Variants in KLHL22 observed in about 807,000 individuals in gnomAD.
The protein encoded by KLHL22 is kelch-like protein 22.
Under a neutral mutation model 60.7 loss-of-function variants are expected in KLHL22, and 18 were observed. The observed-to-expected ratio is 0.30, with a 90% CI of 0.20 to 0.44. KLHL22 has a LOEUF of 0.44. KLHL22 is among the 20% of genes least tolerant of loss of function. The pLI is 1.00. For synonymous variants in KLHL22, 355 were observed against 354.5 expected (o/e 1.00, Z -0.01); for missense variants, 596 against 852.3 (o/e 0.70, Z 3.74).
At chr22:20,473,652 G>A (rs1438802779) in intron 2 of KLHL22, among the ~76,000 whole-genome samples, 1 of 152,152 alleles carries the variant, frequency 6.6e-6, no homozygotes, top group Non-Finnish European at 1.5e-5. Context: ...GAGGCAGGCC[G>A]ATCATCTGAG....
intron 3 of KLHL22, among the ~76,000 whole-genome samples, chr22:20,469,467 A>G (rs545735552): frequency 6.6e-6 from 1 of 152,348 alleles, no homozygotes; most frequent in Non-Finnish European, 1.5e-5. Context: ...AGGCAGCTGA[A>G]TCAGGAGTTA....
intron 2 of KLHL22, chr22:20,488,653 T>A: frequency 8.2e-6 from 2 of 244,502 alleles, no homozygotes; most frequent in African/African-American, 3.5e-5. Flanking sequence ...TACACAGCAA[T>A]AATTACTGAC....
intron 1 of KLHL22, among the ~76,000 whole-genome samples, chr22:20,493,822 G>T (rs1440439102): frequency 1.3e-5 from 2 of 150,818 alleles, no homozygotes; most frequent in Non-Finnish European, 3.0e-5. Flanking sequence ...CAGCACTTTG[G>T]GAGGCCAACG....
At chr22:20,458,273 C>CTTTTTTTTT (rs35379911) in intron 4 of KLHL22, among the ~76,000 whole-genome samples, 8 of 76,488 alleles carry the variant, frequency 1.0e-4, no homozygotes, top group East Asian at 4.1e-4. Flanking sequence ...TCCAATGGCT[C>CTTTTTTTTT]TTTTTTTTTT....
rs541047853 is a variant in KLHL22, at chr22:20,495,287, G to C, written c.-34+473C>G. Among the ~76,000 whole-genome samples, 1 of 152,240 alleles carries C rather than the reference G, an allele frequency of 6.6e-6. No homozygotes were observed. The highest frequency in any genetic ancestry group is 2.1e-4 in the South Asian group (1 of 4,838). On this transcript the variant is annotated intron_variant, in intron 1 of 6. Coordinates refer to ENST00000328879, the MANE Select transcript of KLHL22 (RefSeq NM_032775.4). The surrounding 1 kb of genome is among the most constrained non-coding windows in gnomAD (Gnocchi z 4.6). ...CGGCTCCTCTCAGGAAACCGGGAGA[G>C]CTGGCAAGGCTGGGCTCCTACGGCT...
At chr22:20,475,468 T>G (rs1196124917) in intron 2 of KLHL22, among the ~76,000 whole-genome samples, 2 of 152,232 alleles carry the variant, frequency 1.3e-5, no homozygotes. Context: ...TTAAAACTGT[T>G]GATCCACCTG....
intron 4 of KLHL22, 84 bp from the exon 5 acceptor site, chr22:20,458,084 T>G: frequency 1.3e-6 from 2 of 1,484,970 alleles, no homozygotes; most frequent in Non-Finnish European, 1.8e-6. Flanking sequence ...CTGGTCCCAT[T>G]TCTGCTTTGC....
At chr22:20,487,603 G>A (rs1279942286) in intron 2 of KLHL22, among the ~76,000 whole-genome samples, 1 of 152,020 alleles carries the variant, frequency 6.6e-6, no homozygotes, top group African/African-American at 2.4e-5. Flanking sequence ...CCACTCTCCC[G>A]CTCCCCTTCC....
chr22:20,466,366 T>C (rs1601353124), intron 3 of KLHL22, among the ~76,000 whole-genome samples: 2 of 90,324 alleles, frequency 2.2e-5, no homozygotes, highest in Non-Finnish European at 2.0e-5. Context: ...AGAGCGAGAC[T>C]CCGTCTAAAA....
intron 5 of KLHL22, among the ~76,000 whole-genome samples, chr22:20,455,518 G>A (rs1601334533): frequency 6.6e-6 from 1 of 152,164 alleles, no homozygotes; most frequent in Non-Finnish European, 1.5e-5. Flanking sequence ...CTCCAGGTTG[G>A]CCTCAGCCCC....
chr22:20,455,053 T>C (rs995585874), intron 5 of KLHL22, among the ~76,000 whole-genome samples: 9 of 152,164 alleles, frequency 5.9e-5, no homozygotes, highest in Admixed American at 1.3e-4. Context: ...AGCTAATTTT[T>C]GTATTTTTAG....
At chr22:20,445,763 G>GT (rs894174675) in intron 6 of KLHL22, among the ~76,000 whole-genome samples, 36 of 147,752 alleles carry the variant, frequency 2.4e-4, no homozygotes, top group South Asian at 8.5e-4. Context: ...TTTTGTTGTT[G>GT]TTTTTTTTTG....
chr22:20,474,153 C>A (rs958617311), intron 2 of KLHL22, among the ~76,000 whole-genome samples: 9 of 152,082 alleles, frequency 5.9e-5, no homozygotes, highest in Non-Finnish European at 1.2e-4. Context: ...GTGCCCCCCA[C>A]CACGCCCAGC....
In KLHL22 at chr22:20,465,849, CTT is replaced by C. The variant is rs1003969185; in HGVS notation, c.394-275_394-274del. 6.6e-6 allele frequency among the ~76,000 whole-genome samples: 1 copy of C among 151,986 alleles called. No individual in the cohort carries two copies. The highest frequency in any genetic ancestry group is 2.4e-5 in the African/African-American group (1 of 41,382). On this transcript the variant is annotated intron_variant, in intron 3 of 6. Coordinates refer to ENST00000328879, the MANE Select transcript of KLHL22 (RefSeq NM_032775.4). The surrounding 1 kb of genome is among the most constrained non-coding windows in gnomAD (Gnocchi z 4.9). ...CTTTTCTTTGAGACAAAGTTTCGCT[CTT>C]GTTGCCCAGAATGGAGTGCAGTGGC...
At chr22:20,474,920 T>G (rs1255425366) in intron 2 of KLHL22, among the ~76,000 whole-genome samples, 1 of 152,216 alleles carries the variant, frequency 6.6e-6, no homozygotes, top group Non-Finnish European at 1.5e-5. Flanking sequence ...CAGGGCCTGG[T>G]GCCTGCACCC....
intron 2 of KLHL22, 140 bp from the exon 3 acceptor site, chr22:20,471,655 G>A (rs2146240586): frequency 1.2e-6 from 1 of 808,880 alleles, no homozygotes; most frequent in Non-Finnish European, 2.0e-6. Flanking sequence ...TGTGCTCTGA[G>A]TGAACTGTGT....
chr22:20,460,608 CCCAAAAAAAAAA>C (rs2053137027), intron 4 of KLHL22, among the ~76,000 whole-genome samples: 7 of 32,684 alleles, frequency 2.1e-4, no homozygotes, highest in African/African-American at 4.2e-4. Context: ...AACTCCATCC[CCCAAAAAAAAAA>C]AAAAAAAAAA....
intron 1 of KLHL22, among the ~76,000 whole-genome samples, chr22:20,490,752 G>C (rs191931654): frequency 6.6e-6 from 1 of 152,262 alleles, no homozygotes; most frequent in African/African-American, 2.4e-5. Flanking sequence ...TTCACAACAG[G>C]GTTTGTGCTC....
At chr22:20,467,065 AG>A (rs1448770268) in intron 3 of KLHL22, among the ~76,000 whole-genome samples, 7 of 152,388 alleles carry the variant, frequency 4.6e-5, no homozygotes, top group Admixed American at 3.3e-4. Flanking sequence ...TAAATTATTT[AG>A]GAAAGCAGGA....
Sources: gnomAD v4.1 joint callset for allele counts (sites outside exome capture counted in the v4.1 genomes callset) on GRCh38, gnomAD v4.1.1 for gene constraint, Gnocchi (gnomAD v3.1) non-coding constraint, MANE v1.5 for transcripts, NCBI Gene and HGNC (gene_info 2026-07-23, HGNC 2026-07-21) for gene names.